SRPK2: variants seen among roughly 807,000 people sequenced by gnomAD.
SRPK2 encodes the protein SFRS protein kinase 2.
In SRPK2, 21 loss-of-function variants were observed where a neutral mutation model predicts 90.8. The observed-to-expected ratio is 0.23, with a 90% confidence interval of 0.16 to 0.33. SRPK2 has a LOEUF of 0.33. Among genes scored for constraint, SRPK2 ranks in the 10% least tolerant of loss-of-function variants. SRPK2 has a pLI of 1.00. For missense variants in SRPK2, 620 were observed against 869.0 expected, an observed-to-expected ratio of 0.71 and a Z score of 3.60; for synonymous variants, 288 against 311.1, an observed-to-expected ratio of 0.93 and a Z score of 0.78.
At chr7:105,169,390 A>G (rs1790512776) in intron 3 of SRPK2, 125 bp from the exon 4 acceptor site, 1 of 664,252 alleles carries the variant, frequency 1.5e-6, no homozygotes, top group South Asian at 1.9e-5. Flanking sequence ...AGACTAAAAC[A>G]TGTTTAATAA....
chr7:105,129,645 G>A (rs1170063423), intron 13 of SRPK2, among the ~76,000 whole-genome samples: 1 of 152,172 alleles, frequency 6.6e-6, no homozygotes, highest in Non-Finnish European at 1.5e-5. Context: ...AAAGTGCTGG[G>A]ATTACAGGTG....
intron 2 of SRPK2, among the ~76,000 whole-genome samples, chr7:105,288,975 A>C (rs991954272): frequency 6.6e-6 from 1 of 151,914 alleles, no homozygotes; most frequent in African/African-American, 2.4e-5. Flanking sequence ...AATAACTTCC[A>C]GCCAGGTGCG....
intron 2 of SRPK2, among the ~76,000 whole-genome samples, chr7:105,265,742 C>CT (rs1804974562): frequency 6.6e-6 from 1 of 151,218 alleles, no homozygotes; most frequent in South Asian, 2.1e-4. Context: ...AACAGGCACT[C>CT]AAAAAAAAGG....
At chr7:105,261,940 G>A (rs1804350003) in intron 2 of SRPK2, among the ~76,000 whole-genome samples, 1 of 152,196 alleles carries the variant, frequency 6.6e-6, no homozygotes, top group South Asian at 2.1e-4. Flanking sequence ...ACCAAAGGAA[G>A]AGATACATGA....
chr7:105,227,721 T>G (rs1293221889), intron 2 of SRPK2, among the ~76,000 whole-genome samples: 1 of 152,072 alleles, frequency 6.6e-6, no homozygotes, highest in African/African-American at 2.4e-5. Context: ...GCAATCTCAC[T>G]TCTAGGTATT....
chr7:105,134,441 G>C (rs1413787121), intron 11 of SRPK2, among the ~76,000 whole-genome samples: 1 of 152,222 alleles, frequency 6.6e-6, no homozygotes, highest in Non-Finnish European at 1.5e-5. Flanking sequence ...TTCCTGTACA[G>C]CCTGTGGAAC....
intron 2 of SRPK2, among the ~76,000 whole-genome samples, chr7:105,256,522 A>G (rs535988430): frequency 6.6e-6 from 1 of 152,098 alleles, no homozygotes; most frequent in Non-Finnish European, 1.5e-5. Flanking sequence ...TGCCCAACTT[A>G]TTTTTAAATT....
chr7:105,134,553 C>A (rs1277203009), intron 11 of SRPK2, among the ~76,000 whole-genome samples: 3 of 152,236 alleles, frequency 2.0e-5, no homozygotes, highest in Non-Finnish European at 2.9e-5. Context: ...CTAGGAGAGC[C>A]CCTTTGTTTC....
intron 7 of SRPK2, among the ~76,000 whole-genome samples, chr7:105,159,354 C>T (rs761101801): frequency 3.4e-5 from 5 of 146,616 alleles, no homozygotes; most frequent in Non-Finnish European, 4.5e-5. Context: ...GGTGTGGTAC[C>T]AAGCACCTAT....
At chr7:105,344,608 T>C (rs1348478687) in intron 2 of SRPK2, among the ~76,000 whole-genome samples, 1 of 151,866 alleles carries the variant, frequency 6.6e-6, no homozygotes, top group Non-Finnish European at 1.5e-5. Flanking sequence ...ATAAAAGCTA[T>C]CTTACAAGCC....
At chr7:105,302,712 G>A (rs1810695041) in intron 2 of SRPK2, among the ~76,000 whole-genome samples, 1 of 152,094 alleles carries the variant, frequency 6.6e-6, no homozygotes, top group Admixed American at 6.5e-5. Context: ...GTGTGATCAT[G>A]AGTGCTTTGA....
chr7:105,194,200 T>C (rs1231251339), intron 3 of SRPK2, among the ~76,000 whole-genome samples: 1 of 152,168 alleles, frequency 6.6e-6, no homozygotes, highest in Non-Finnish European at 1.5e-5. Context: ...TACTTTTTGC[T>C]AGAAACTTTA....
intron 2 of SRPK2, among the ~76,000 whole-genome samples, chr7:105,377,894 G>A (rs1003919271): frequency 6.6e-6 from 1 of 152,048 alleles, no homozygotes; most frequent in East Asian, 1.9e-4. Flanking sequence ...GTGGATTCTG[G>A]CCCCTTAATA....
At chr7:105,184,473 A>T (rs1793317484) in intron 3 of SRPK2, among the ~76,000 whole-genome samples, 1 of 152,176 alleles carries the variant, frequency 6.6e-6, no homozygotes, top group African/African-American at 2.4e-5. Flanking sequence ...TAAGACGCTT[A>T]ATAGTATTCT....
chr7:105,341,050 C>G (rs767154585), intron 2 of SRPK2, among the ~76,000 whole-genome samples: 2 of 151,980 alleles, frequency 1.3e-5, no homozygotes, highest in Non-Finnish European at 2.9e-5. Flanking sequence ...ATTTATCTCA[C>G]GCAGGATATG....
At chr7:105,127,411 C>T (rs902228799) in intron 13 of SRPK2, among the ~76,000 whole-genome samples, 2 of 152,198 alleles carry the variant, frequency 1.3e-5, no homozygotes, top group African/African-American at 4.8e-5. Flanking sequence ...CAACAAGGCC[C>T]GTCTGACTCC....
intron 2 of SRPK2, among the ~76,000 whole-genome samples, chr7:105,215,699 T>G (rs1459393904): frequency 1.3e-5 from 2 of 152,150 alleles, no homozygotes; most frequent in Non-Finnish European, 2.9e-5. Context: ...GGATGACCCC[T>G]GACAGCATTA....
At chr7:105,333,185 C>T (rs1235776007) in intron 2 of SRPK2, among the ~76,000 whole-genome samples, 1 of 152,136 alleles carries the variant, frequency 6.6e-6, no homozygotes, top group Admixed American at 6.5e-5. Flanking sequence ...CAGAGTGAGA[C>T]TCCATCAAAC....
intron 2 of SRPK2, chr7:105,244,746 G>A: frequency 1.8e-6 from 2 of 1,081,514 alleles, no homozygotes; most frequent in Non-Finnish European, 2.8e-6. Flanking sequence ...CGCCGCGGGC[G>A]TCTGACCAAA....
Sources: allele counts gnomAD v4.1 joint callset (sites outside exome capture counted in the v4.1 genomes callset), GRCh38; gene constraint gnomAD v4.1.1; transcripts MANE v1.5; gene names NCBI Gene and HGNC (gene_info 2026-07-23, HGNC 2026-07-21).